Variants in TENT4B observed in about 807,000 individuals in gnomAD.
TENT4B encodes the protein terminal nucleotidyltransferase 4B, also known as PAP associated domain containing 5.
TENT4B carries 10 observed loss-of-function variants against 75.0 expected under a neutral mutation model. The observed-to-expected ratio is 0.13, with a 90% CI of 0.08 to 0.23. The LOEUF is 0.23. Among genes scored for constraint, TENT4B ranks in the 10% least tolerant of loss-of-function variants. TENT4B has a pLI of 1.00. For missense variants in TENT4B, 579 were observed against 893.8 expected, an observed-to-expected ratio of 0.65 and a Z score of 4.49; for synonymous variants, 350 against 357.7, an observed-to-expected ratio of 0.98 and a Z score of 0.24.
chr16:50,202,493 A>T (rs1466075634), intron 1 of TENT4B, among the ~76,000 whole-genome samples: 1 of 152,122 alleles, frequency 6.6e-6, no homozygotes, highest in Non-Finnish European at 1.5e-5. Flanking sequence ...AACTTTGTTT[A>T]TTTGTGCTTT....
chr16:50,187,512 G>A lies in TENT4B; in HGVS notation c.639-23811G>A, dbSNP rs549165469. ...GCAGGAGAATTGCTTGAACACAGGA[G>A]GCGGAGGTTGCAGTGAGCCGAGATT... is the stretch of plus-strand genomic sequence containing the variant. On this transcript the variant is annotated intron_variant, in intron 1 of 11. Coordinates refer to ENST00000561678, the MANE Select transcript of TENT4B (RefSeq NM_001365324.3). 4.2e-4 allele frequency among the ~76,000 whole-genome samples: 64 copies of A among 152,300 alleles called. 2 individuals are homozygous for A. In the South Asian group the frequency reaches 0.013, roughly 31 times the overall value.
chr16:50,179,907 G>A (rs983330915), intron 1 of TENT4B, among the ~76,000 whole-genome samples: 1 of 151,970 alleles, frequency 6.6e-6, no homozygotes, highest in African/African-American at 2.4e-5. Context: ...CTGCCATACC[G>A]TTGGGTTTCC....
intron 1 of TENT4B, among the ~76,000 whole-genome samples, chr16:50,195,247 C>T (rs2030151302): frequency 6.6e-6 from 1 of 152,056 alleles, no homozygotes. Context: ...TATGAGGTAC[C>T]ATACAGAAGT....
chr16:50,182,335 G>T lies in TENT4B; in HGVS notation c.638+28076G>T, dbSNP rs1241192604. ...GCGTTTTCTTTGGTGCTTCATGTCA[G>T]TGTTAGAAACTATAGGTTGTATATT... is the stretch of plus-strand genomic sequence containing the variant. On this transcript the variant is annotated intron_variant, in intron 1 of 11. Transcript: ENST00000561678. 2.6e-5 allele frequency among the ~76,000 whole-genome samples: 4 copies of T among 152,188 alleles called. No individual in the cohort carries two copies. In the East Asian group the frequency reaches 7.7e-4, roughly 29 times the overall value.
intron 1 of TENT4B, among the ~76,000 whole-genome samples, chr16:50,186,870 G>T (rs2038537830): frequency 6.6e-6 from 1 of 151,960 alleles, no homozygotes; most frequent in African/African-American, 2.4e-5. Context: ...GTGGGCCACT[G>T]CACTCTGCCA....
At chr16:50,225,565 T>A (rs986079395) in intron 10 of TENT4B, among the ~76,000 whole-genome samples, 7 of 152,218 alleles carry the variant, frequency 4.6e-5, no homozygotes, top group Non-Finnish European at 8.8e-5. Flanking sequence ...CATCACTCTA[T>A]CCATTAATTC....
At chr16:50,170,766 A>G (rs1471051522) in intron 1 of TENT4B, among the ~76,000 whole-genome samples, 1 of 151,816 alleles carries the variant, frequency 6.6e-6, no homozygotes, top group Non-Finnish European at 1.5e-5. Context: ...TCCTGGGTTC[A>G]AGTGATTTTA....
intron 1 of TENT4B, among the ~76,000 whole-genome samples, chr16:50,154,542 T>A (rs1307346667): frequency 1.2e-5 from 1 of 85,726 alleles, no homozygotes; most frequent in Non-Finnish European, 2.4e-5. Context: ...GGCCCCCCCC[T>A]TTATCCATTC....
At chr16:50,175,274 C>A (rs2038284503) in intron 1 of TENT4B, among the ~76,000 whole-genome samples, 1 of 152,116 alleles carries the variant, frequency 6.6e-6, no homozygotes, top group Admixed American at 6.5e-5. Context: ...TTTTGCAGAG[C>A]ACACATTATA....
At chr16:50,190,329 A>T (rs2038617028) in intron 1 of TENT4B, among the ~76,000 whole-genome samples, 1 of 151,952 alleles carries the variant, frequency 6.6e-6, no homozygotes, top group Non-Finnish European at 1.5e-5. Flanking sequence ...ACATAAAACA[A>T]CATTTACCTT....
At position 50,231,248 on chromosome 16, in the gene TENT4B, G is replaced by A; in HGVS notation, c.*1920G>A. ...TTCTGATCAGAATTTTTATTGAGAT[G>A]TTGAGCTTTTGTTTTTGAAACTAGT... On this transcript the variant is annotated 3_prime_UTR_variant, in exon 12 of 12. Transcript: ENST00000561678. The A allele has an allele frequency of 1.0e-6, 1 of 985,362 alleles. No individual in the cohort carries two copies. The highest frequency in any genetic ancestry group is 1.2e-6 in the Non-Finnish European group (1 of 829,518). The allele number at this position is 985,362 out of a possible 1,614,324, so 61.0% of individuals were successfully genotyped here. A position where few individuals can be genotyped will look rare whatever the true frequency, so the allele number is the denominator to read the frequency against.
At chr16:50,159,229 C>CCTCT (rs1487749771) in intron 1 of TENT4B, among the ~76,000 whole-genome samples, 1 of 148,622 alleles carries the variant, frequency 6.7e-6, no homozygotes, top group African/African-American at 2.4e-5. Flanking sequence ...TCGCTCCCTC[C>CCTCT]CTCTCTCTCT....
intron 1 of TENT4B, among the ~76,000 whole-genome samples, chr16:50,171,633 T>A (rs1336606614): frequency 6.6e-6 from 1 of 152,206 alleles, no homozygotes; most frequent in Non-Finnish European, 1.5e-5. Flanking sequence ...ATGGGTCCAC[T>A]TATATGTGGA....
chr16:50,206,292 T>C (rs915703682), intron 1 of TENT4B, among the ~76,000 whole-genome samples: 1 of 152,132 alleles, frequency 6.6e-6, no homozygotes, highest in Non-Finnish European at 1.5e-5. Context: ...ATGAATGCCT[T>C]TTCAATATAT....
chr16:50,173,969 C>G (rs1400103328), intron 1 of TENT4B, among the ~76,000 whole-genome samples: 2 of 152,120 alleles, frequency 1.3e-5, no homozygotes, highest in Non-Finnish European at 2.9e-5. Flanking sequence ...GCTGGGATTA[C>G]AGGCGTGAGC....
At position 50,224,585 on chromosome 16, in the gene TENT4B, AAG is replaced by A. The variant is rs1223780675; in HGVS notation, c.1382-67_1382-66del. On this transcript the variant is annotated intron_variant, in intron 7 of 11. Coordinates refer to ENST00000561678, the MANE Select transcript of TENT4B (RefSeq NM_001365324.3). The stretch of plus-strand genomic sequence containing the variant: ...ATAACTATGGCCCTTGCTCTCCTGG[AAG>A]AGAGTCATCAACATTTAGTGCATAT... The A allele has an allele frequency of 5.1e-6, 8 of 1,583,428 alleles. No individual in the cohort carries two copies. The African/African-American group carries it at 6.7e-5, about 13-fold the overall frequency.
At chr16:50,188,445 C>G (rs2038577401) in intron 1 of TENT4B, among the ~76,000 whole-genome samples, 1 of 152,192 alleles carries the variant, frequency 6.6e-6, no homozygotes, top group South Asian at 2.1e-4. Context: ...TGATGGTAAA[C>G]ACAACAGCAC....
At position 50,223,706 on chromosome 16, in the gene TENT4B, A is replaced by G. The variant is rs1368440400; in HGVS notation, c.1381+319A>G. On this transcript the variant is annotated intron_variant, in intron 7 of 11. Transcript: ENST00000561678. ...TTGGGTCCTTATTGCCTTGATTACA[A>G]CCAATTGTCAGCAATTAATGAGGCT... Among the ~76,000 whole-genome samples, 3 of 152,220 alleles carry G rather than the reference A, an allele frequency of 2.0e-5. No individual in the cohort carries two copies. In the East Asian group the frequency reaches 5.8e-4, roughly 29 times the overall value.
At chr16:50,156,095 A>G (rs2037894033) in intron 1 of TENT4B, among the ~76,000 whole-genome samples, 1 of 152,082 alleles carries the variant, frequency 6.6e-6, no homozygotes, top group Non-Finnish European at 1.5e-5. Context: ...TAGGAGAGGA[A>G]TTTTCATTTC....
Sources: allele counts gnomAD v4.1 joint callset (sites outside exome capture counted in the v4.1 genomes callset), GRCh38; gene constraint gnomAD v4.1.1; transcripts MANE v1.5; gene names NCBI Gene and HGNC (gene_info 2026-07-23, HGNC 2026-07-21).